Variants in MTMR8 observed in about 807,000 individuals in gnomAD.
MTMR8 encodes the protein myotubularin related protein 8, also known as phosphatidylinositol-3,5-bisphosphate 3-phosphatase MTMR8.
MTMR8 carries 65 observed loss-of-function variants against 39.3 expected under a neutral mutation model. That is an observed-to-expected ratio of 1.65 (90% confidence interval 1.35 to 2.03). The LOEUF is 2.03. Ranked by LOEUF, MTMR8 falls within the 30% of genes most tolerant of loss-of-function variation. The pLI is 0.00. For synonymous variants in MTMR8, 245 were observed against 185.2 expected (o/e 1.32, Z -2.62); for missense variants, 777 against 538.9 (o/e 1.44, Z -4.37).
intron 12 of MTMR8, among the ~76,000 whole-genome samples, chrX:64,284,827 C>T (rs1273837247): frequency 8.9e-6 from 1 of 111,867 alleles, no homozygotes; most frequent in African/African-American, 3.3e-5. Flanking sequence ...GAAGGAAGCA[C>T]TAAACATGGA....
intron 12 of MTMR8, among the ~76,000 whole-genome samples, chrX:64,273,871 A>G (rs1384582060): frequency 8.9e-6 from 1 of 112,051 alleles, no homozygotes; most frequent in African/African-American, 3.2e-5. Flanking sequence ...GAAGAATTTT[A>G]TATAATGACG....
At chrX:64,382,210 C>T (rs370710315) in intron 1 of MTMR8, among the ~76,000 whole-genome samples, 12 of 111,685 alleles carry the variant, frequency 1.1e-4, no homozygotes, top group East Asian at 8.4e-4. Context: ...GCCATTTTCA[C>T]GATATTGATT....
At chrX:64,344,430 T>C (rs183899335) in intron 7 of MTMR8, among the ~76,000 whole-genome samples, 85 of 110,865 alleles carry the variant, frequency 7.7e-4, no homozygotes, top group African/African-American at 2.6e-3. Context: ...AGAAGGCAGG[T>C]TTTCACTATC....
chrX:64,382,543 C>T (rs1924455382), intron 1 of MTMR8, among the ~76,000 whole-genome samples: 1 of 111,504 alleles, frequency 9.0e-6, no homozygotes, highest in Non-Finnish European at 1.9e-5. Flanking sequence ...ATCATGTCAT[C>T]TGCAAACAGG....
At chrX:64,374,006 A>C (rs772801501) in intron 1 of MTMR8, among the ~76,000 whole-genome samples, 2 of 111,958 alleles carry the variant, frequency 1.8e-5, no homozygotes, top group South Asian at 3.7e-4. Context: ...AATACAAACA[A>C]CTAAAGCTAG....
intron 12 of MTMR8, among the ~76,000 whole-genome samples, chrX:64,275,377 A>T (rs1414355737): frequency 9.0e-6 from 1 of 110,586 alleles, no homozygotes; most frequent in East Asian, 2.8e-4. Context: ...GAAATAAATG[A>T]AATAGTGAAT....
Position 64,328,888 on chromosome X carries a change from T to A in MTMR8, c.1365A>T (p.Lys455Asn). ...KDREDLRVYEKTHSVWPFLVQ... is the reference protein window; with the variant it reads ...KDREDLRVYENTHSVWPFLVQ... ...CCAAGAAAGGCCACACAGAATGTGTTTTCTCATAGACTCTGTTAGAAAAGA... is the reference window on the plus strand; with the variant it reads ...CCAAGAAAGGCCACACAGAATGTGTATTCTCATAGACTCTGTTAGAAAAGA... The change falls in exon 12 of 14, where the codon AAA becomes AAT. Residue 455 changes from lysine to asparagine, a missense_variant. Coordinates refer to ENST00000374852, the MANE Select transcript of MTMR8 (RefSeq NM_017677.4). 3.4e-6 allele frequency: 4 copies of A among 1,193,260 alleles called. No individual in the cohort carries two copies. The highest frequency in any genetic ancestry group is 4.5e-6 in the Non-Finnish European group (4 of 890,100).
intron 2 of MTMR8, among the ~76,000 whole-genome samples, chrX:64,357,878 T>A (rs932298496): frequency 9.0e-6 from 1 of 111,504 alleles, no homozygotes; most frequent in Non-Finnish European, 1.9e-5. Flanking sequence ...ATAATTGAGA[T>A]CAGGGCCCAG....
At chrX:64,343,809 G>T in intron 7 of MTMR8, 89 bp from the exon 8 acceptor site, 1 of 593,909 alleles carries the variant, frequency 1.7e-6, no homozygotes, top group South Asian at 2.7e-5. Flanking sequence ...TATCGTAAGT[G>T]AGGAAGCTGA....
chrX:64,296,613 G>C (rs191102143), intron 12 of MTMR8, among the ~76,000 whole-genome samples: 2 of 103,219 alleles, frequency 1.9e-5, no homozygotes, highest in Non-Finnish European at 2.0e-5. Flanking sequence ...AAGTTTTAGG[G>C]TACATGTGCA....
At chrX:64,311,484 AG>A (rs1922297403) in intron 12 of MTMR8, among the ~76,000 whole-genome samples, 1 of 111,606 alleles carries the variant, frequency 9.0e-6, no homozygotes, top group Admixed American at 9.5e-5. Context: ...GCCATGCAGA[AG>A]CCCTTTAGTT....
In MTMR8 at chrX:64,304,860, TTATATATATATATATATATATATA is replaced by T. The variant is rs751399962; in HGVS notation, c.1481+23888_1481+23911del. ...GAGCTAAGCTTGATGGATCAAACAT[TTATATATATATATATATATATATA>T]TATATATATATATATATATATATAC... On this transcript the variant is annotated intron_variant, in intron 12 of 13. Transcript: ENST00000374852. Among the ~76,000 whole-genome samples the T allele has an allele frequency of 4.0e-3, 113 of 28,581 alleles. 4 individuals are homozygous for T. The highest frequency in any genetic ancestry group is 0.013 in the Admixed American group (16 of 1,262). 24.8% of individuals were successfully genotyped at this position (28,581 alleles called of 115,157 possible). A position where few individuals can be genotyped will look rare whatever the true frequency, so the allele number is the denominator to read the frequency against.
At chrX:64,309,121 C>A (rs1185897281) in intron 12 of MTMR8, among the ~76,000 whole-genome samples, 1 of 112,013 alleles carries the variant, frequency 8.9e-6, no homozygotes, top group Non-Finnish European at 1.9e-5. Flanking sequence ...ATAAACTTTA[C>A]AATCAGCCTG....
At chrX:64,395,125 G>A (rs1296343202) in intron 1 of MTMR8, among the ~76,000 whole-genome samples, 1 of 111,858 alleles carries the variant, frequency 8.9e-6, no homozygotes, top group African/African-American at 3.2e-5. Context: ...CAGTGGTGCA[G>A]ACCACCTCTT....
intron 4 of MTMR8, among the ~76,000 whole-genome samples, chrX:64,354,327 A>T (rs1398529532): frequency 9.0e-6 from 1 of 111,070 alleles, no homozygotes; most frequent in Non-Finnish European, 1.9e-5. Flanking sequence ...TTCCTAACAC[A>T]AATAAATGAT....
In MTMR8 at chrX:64,355,397, TTC is replaced by T. The variant is rs763644530; in HGVS notation, c.311-465_311-464del. Among the ~76,000 whole-genome samples, 217 of 111,908 alleles carry T rather than the reference TTC, an allele frequency of 1.9e-3. 1 individual carries two copies. The highest frequency in any genetic ancestry group is 6.7e-3 in the African/African-American group (207 of 30,876). On this transcript the variant is annotated intron_variant, in intron 3 of 13. Transcript: ENST00000374852. ...CTTATAAATGGCCCCTTCCTCTCTT[TTC>T]TCTGTCAGTCCTGCTTCCTCCCTTC...
chrX:64,354,364 A>G (rs1366569761), intron 4 of MTMR8, among the ~76,000 whole-genome samples: 1 of 111,465 alleles, frequency 9.0e-6, no homozygotes, highest in Non-Finnish European at 1.9e-5. Flanking sequence ...GGATACCCCA[A>G]TTACCCTGAT....
intron 1 of MTMR8, among the ~76,000 whole-genome samples, chrX:64,382,469 G>A (rs1009089967): frequency 8.9e-6 from 1 of 111,823 alleles, no homozygotes; most frequent in Admixed American, 9.5e-5. Context: ...CTGAGACTTT[G>A]CTGAAGTTGC....
chrX:64,316,474 C>T (rs772396795), intron 12 of MTMR8, among the ~76,000 whole-genome samples: 2 of 111,083 alleles, frequency 1.8e-5, no homozygotes, highest in South Asian at 7.7e-4. Flanking sequence ...TGGCAAAACC[C>T]CAACTCTGCA....
Sources: allele counts gnomAD v4.1 joint callset (sites outside exome capture counted in the v4.1 genomes callset), GRCh38; gene constraint gnomAD v4.1.1; transcripts MANE v1.5; gene names NCBI Gene and HGNC (gene_info 2026-07-23, HGNC 2026-07-21).